Variants in LRP2 observed in about 807,000 individuals in gnomAD.
LRP2 encodes the protein low-density lipoprotein receptor-related protein 2.
Under a neutral mutation model 531.0 loss-of-function variants are expected in LRP2, and 172 were observed. The ratio of observed to expected loss-of-function variants is 0.32; its 90% CI spans 0.29 to 0.37. The LOEUF (loss-of-function observed/expected upper bound fraction) is 0.37, where lower values mean the gene tolerates loss of function less well. LRP2 is among the 10% of genes least tolerant of loss of function. The pLI, the probability that LRP2 is intolerant of heterozygous loss-of-function variation, is 1.00. For synonymous variants in LRP2, 1,992 were observed against 2,027.6 expected (o/e 0.98, Z 0.47); for missense variants, 5,167 against 5,868.3 (o/e 0.88, Z 3.90).
rs139478252 is a variant in LRP2, at chr2:169,147,349, G to A, written c.12591-390C>T. Among the ~76,000 whole-genome samples the A allele has an allele frequency of 2.4e-4, 36 of 152,292 alleles. No individual in the cohort carries two copies. The East Asian group carries it at 4.4e-3, about 19-fold the overall frequency. Reference sequence around the variant, plus strand: ...ACATACAAAGATTTCTATCTTCATGGAGCTACTCTGTTGCCCAGGCTGGAA... The same window carrying A: ...ACATACAAAGATTTCTATCTTCATGAAGCTACTCTGTTGCCCAGGCTGGAA... On this transcript the variant is annotated intron_variant, in intron 68 of 78. Coordinates refer to ENST00000649046, the MANE Select transcript of LRP2 (RefSeq NM_004525.3).
At chr2:169,241,484 CA>C (rs1559035777) in intron 24 of LRP2, 119 bp from the exon 25 acceptor site, 6 of 1,033,294 alleles carry the variant, frequency 5.8e-6, no homozygotes, top group African/African-American at 1.6e-5. Context: ...CAACTATGAC[CA>C]AATTAATATT....
chr2:169,181,710 C>G, intron 51 of LRP2, 92 bp from the exon 52 acceptor site: 3 of 873,314 alleles, frequency 3.4e-6, no homozygotes, highest in Non-Finnish European at 5.5e-6. Context: ...GAAATGGAGT[C>G]TGCATTCTGT....
intron 50 of LRP2, among the ~76,000 whole-genome samples, chr2:169,183,219 C>T (rs901462538): frequency 2.6e-5 from 4 of 152,192 alleles, no homozygotes; most frequent in Admixed American, 6.5e-5. Context: ...AACAAGTACG[C>T]GCTTAACCAT....
At chr2:169,198,193 C>T (rs1224606897) in intron 45 of LRP2, among the ~76,000 whole-genome samples, 15 of 151,946 alleles carry the variant, frequency 9.9e-5, no homozygotes, top group African/African-American at 3.6e-4. Context: ...ATGGGTGGAT[C>T]GCTTGAGCCC....
At chr2:169,280,242 T>A (rs1683664908) in intron 11 of LRP2, 108 bp downstream of exon 11, 1 of 1,256,976 alleles carries the variant, frequency 8.0e-7, no homozygotes, top group Admixed American at 2.0e-5. Flanking sequence ...CTCAAGGGCC[T>A]TTTTTGTTAG....
chr2:169,347,606 T>C (rs1574278807), intron 1 of LRP2, among the ~76,000 whole-genome samples: 1 of 151,134 alleles, frequency 6.6e-6, no homozygotes, highest in African/African-American at 2.4e-5. Context: ...AAAAAGGTGT[T>C]CCCAGATAAT....
chr2:169,174,676 T>G (rs544952470), intron 55 of LRP2, among the ~76,000 whole-genome samples: 1 of 152,214 alleles, frequency 6.6e-6, no homozygotes, highest in East Asian at 1.9e-4. Context: ...GCCAGGCTAA[T>G]TTTTTGTATT....
intron 34 of LRP2, among the ~76,000 whole-genome samples, chr2:169,217,572 G>T (rs899921583): frequency 8.6e-5 from 13 of 151,972 alleles, no homozygotes. Context: ...CTCCAACCCT[G>T]GGTTTCTGCC....
At chr2:169,178,334 G>A (rs1461011349) in intron 52 of LRP2, among the ~76,000 whole-genome samples, 1 of 152,138 alleles carries the variant, frequency 6.6e-6, no homozygotes, top group Non-Finnish European at 1.5e-5. Flanking sequence ...AGCTGTTGTA[G>A]GTTTATGGCC....
At chr2:169,284,650 C>G (rs553871620) in intron 9 of LRP2, among the ~76,000 whole-genome samples, 1 of 152,008 alleles carries the variant, frequency 6.6e-6, no homozygotes, top group Non-Finnish European at 1.5e-5. Flanking sequence ...TTCCAAGGAC[C>G]GTGACTAACC....
At chr2:169,222,839 C>T (rs558728066) in intron 33 of LRP2, among the ~76,000 whole-genome samples, 13 of 152,208 alleles carry the variant, frequency 8.5e-5, no homozygotes, top group East Asian at 1.9e-4. Flanking sequence ...TGAAACCCTC[C>T]GATAAGCAAG....
intron 21 of LRP2, 144 bp from the exon 22 acceptor site, chr2:169,245,076 T>C (rs1689955301): frequency 1.1e-6 from 1 of 891,804 alleles, no homozygotes; most frequent in East Asian, 2.6e-5. Flanking sequence ...GATGTCATCA[T>C]CACTAACATC....
chr2:169,346,102 G>C (rs1361119011), intron 1 of LRP2, among the ~76,000 whole-genome samples: 4 of 152,192 alleles, frequency 2.6e-5, no homozygotes, highest in African/African-American at 9.7e-5. Context: ...GTGGGATTTT[G>C]TTGCACATAT....
At chr2:169,261,559 C>A (rs567570294) in intron 16 of LRP2, among the ~76,000 whole-genome samples, 18 of 150,236 alleles carry the variant, frequency 1.2e-4, no homozygotes, top group African/African-American at 4.1e-4. Flanking sequence ...CCTCCCTCAA[C>A]AAAGCATACA....
intron 76 of LRP2, among the ~76,000 whole-genome samples, chr2:169,135,059 GAAAATATC>G (rs1685447494): frequency 6.6e-6 from 1 of 152,098 alleles, no homozygotes; most frequent in African/African-American, 2.4e-5. Context: ...TTAGACCAAG[GAAAATATC>G]TCCTTCCAGC....
Position 169,137,399 on chromosome 2 carries a change from G to A in LRP2, c.13613C>T (p.Pro4538Leu). ...GACTGTATGGTTTCTCACCTGGATT[G>A]GCTGAACCACTTTGACAGCACTGTC... is the stretch of plus-strand genomic sequence containing the variant. ...ARDSAVKVVQ[P>L]IQVTVSENVD... The change falls in exon 76 of 79, where the codon CCA (proline) becomes CTA (leucine). Residue 4538 changes from proline to leucine, a missense_variant. Physicochemically the swap from Pro to Leu is moderately conservative, Grantham distance 98. This residue lies in a region of LRP2 where 348 missense variants were observed against 369.3 expected (regional missense o/e 0.94). Transcript: ENST00000649046. 1 of 1,610,550 alleles carries A rather than the reference G, an allele frequency of 6.2e-7. No homozygotes were observed. Among genetic ancestry groups the A allele is most frequent in the Non-Finnish European group, 8.5e-7 (1 of 1,176,774 alleles).
intron 48 of LRP2, among the ~76,000 whole-genome samples, chr2:169,191,100 A>T (rs1687814458): frequency 6.6e-6 from 1 of 152,232 alleles, no homozygotes; most frequent in Admixed American, 6.5e-5. Flanking sequence ...TCCAGCATTT[A>T]AAATCAGAGT....
At chr2:169,165,845 C>CA in intron 62 of LRP2, 87 bp downstream of exon 62, 1 of 1,533,884 alleles carries the variant, frequency 6.5e-7, no homozygotes, top group South Asian at 1.1e-5. Context: ...CTCTATAGAA[C>CA]AAACTGAAAT....
chr2:169,280,691 AGAAGGGCAAATT>A (rs919390952), intron 10 of LRP2, among the ~76,000 whole-genome samples, 172 bp from the exon 11 acceptor site: 3 of 152,212 alleles, frequency 2.0e-5, no homozygotes, highest in African/African-American at 7.2e-5. Context: ...TCCATTTTAC[AGAAGGGCAAATT>A]GAGGCACAAA....
Sources: gnomAD v4.1 joint callset for allele counts (sites outside exome capture counted in the v4.1 genomes callset) on GRCh38, gnomAD v4.1.1 for gene constraint, gnomAD v4.1.1 regional missense constraint, MANE v1.5 for transcripts, NCBI Gene and HGNC (gene_info 2026-07-23, HGNC 2026-07-21) for gene names.